PTPRF: variants seen among roughly 807,000 people sequenced by gnomAD.
The protein encoded by PTPRF is protein tyrosine phosphatase receptor type F, also known as receptor-type tyrosine-protein phosphatase F.
A neutral mutation model predicts 201.8 loss-of-function variants in PTPRF; 59 were observed. The ratio of observed to expected loss-of-function variants is 0.29; its 90% CI spans 0.24 to 0.36. The LOEUF is 0.36. PTPRF is among the 10% of genes least tolerant of loss of function. PTPRF has a pLI of 1.00. For synonymous variants in PTPRF, 1,088 were observed against 1,089.7 expected (o/e 1.00, Z 0.03); for missense variants, 2,132 against 2,690.5 (o/e 0.79, Z 4.59).
In PTPRF at chr1:43,553,002, G is replaced by T; in HGVS notation, c.92-490G>T. ...GGGCTGGGAGAGAGGGAGGAGTCTC[G>T]GTTCCTGGCCGGAGCCCCGGGGTGG... On this transcript the variant is annotated intron_variant, in intron 3 of 33. Coordinates refer to ENST00000359947, the MANE Select transcript of PTPRF (RefSeq NM_002840.5). The surrounding 1 kb of genome is among the most constrained non-coding windows in gnomAD (Gnocchi z 4.1). 6.6e-6 allele frequency among the ~76,000 whole-genome samples: 1 copy of T among 152,164 alleles called. No individual in the cohort carries two copies. The highest frequency in any genetic ancestry group is 1.9e-4 in the East Asian group (1 of 5,194).
intron 7 of PTPRF, among the ~76,000 whole-genome samples, chr1:43,585,498 T>G (rs1204122627): frequency 6.6e-6 from 1 of 152,162 alleles, no homozygotes; most frequent in African/African-American, 2.4e-5. Flanking sequence ...CCTGAGGCCC[T>G]TGCTTGGTGT....
intron 11 of PTPRF, among the ~76,000 whole-genome samples, chr1:43,593,338 A>C (rs1247337204): frequency 6.7e-6 from 1 of 150,098 alleles, no homozygotes; most frequent in African/African-American, 2.5e-5. Context: ...CTTGGGCATG[A>C]CCCTTGTCTT....
rs371253686 is a variant in PTPRF at position 43,606,850 on chromosome 1, G to A, written c.3739G>A (p.Val1247Met). 36 of 1,613,990 alleles carry A rather than the reference G, an allele frequency of 2.2e-5. No individual in the cohort carries two copies. Among genetic ancestry groups the A allele is most frequent in the South Asian group, 1.6e-4 (15 of 91,088 alleles). Residue 1247 changes from valine to methionine, a missense_variant, in exon 21 of 34, where the codon GTG becomes ATG. Around this residue, in one of 6 missense-constraint regions of PTPRF, gnomAD observed 818 missense variants for 915.3 expected, o/e 0.89. Transcript: ENST00000359947. ...CTCCAGCCCCTACTCGGATGAGATC[G>A]TGGTCCAGGTGACACCAGCCCAGCA... ...YASSPYSDEI[V>M]VQVTPAQQQE...
Position 43,618,682 on chromosome 1 carries a change from T to C in PTPRF, c.4424T>C (p.Ile1475Thr). The change falls in exon 26 of 34, where the codon ATT becomes ACT. Residue 1475 changes from isoleucine (I) to threonine (T), a missense_variant. This residue lies in a region of PTPRF where 519 missense variants were observed against 659.5 expected (regional missense o/e 0.79). Coordinates refer to ENST00000359947, the MANE Select transcript of PTPRF (RefSeq NM_002840.5). ...CGTGGCACCGAGACCTGTGGCCTTA[T>C]TCAGGTGACCCTGTTGGACACAGTG... ...PARGTETCGL[I>T]QVTLLDTVEL... The C allele has an allele frequency of 6.2e-7, 1 of 1,613,000 alleles. No individual in the cohort carries two copies. The highest frequency in any genetic ancestry group is 8.5e-7 in the Non-Finnish European group (1 of 1,179,066).
At chr1:43,528,464 T>G (rs1479094978), upstream of PTPRF, 1 of 152,266 alleles carries the variant, frequency 6.6e-6, no homozygotes, top group East Asian at 1.9e-4. Flanking sequence ...GTGCTGGGAT[T>G]GTAGGCGTAA....
In PTPRF at chr1:43,603,991, C is replaced by T. The variant is rs372831256; in HGVS notation, c.2839C>T (p.Arg947Cys). 15 of 1,614,090 alleles carry T rather than the reference C, an allele frequency of 9.3e-6. No individual in the cohort carries two copies. Among genetic ancestry groups the T allele is most frequent in the East Asian group, 4.5e-5 (2 of 44,898 alleles). The change falls in exon 16 of 34, where the codon CGC (arginine) becomes TGC (cysteine). Residue 947 changes from arginine (R) to cysteine (C), a missense_variant. Arg to Cys is a radical substitution (Grantham distance 180). This residue lies in a region of PTPRF where 818 missense variants were observed against 915.3 expected (regional missense o/e 0.89). Transcript: ENST00000359947. This position sits in a 1 kb window ranked among gnomAD's most constrained non-coding sequence, Gnocchi z 5.8. ...GCCAGTGCTGGCGGAGAGGAACGGG[C>T]GCATCATCAGCTACACCGTGGTGTT... ...DPPVLAERNGRIISYTVVFRD... is the reference protein window; with the variant it reads ...DPPVLAERNGCIISYTVVFRD...
rs1015076091 is a variant in PTPRF at position 43,542,100 on chromosome 1, T to C, written c.-45-2931T>C. 4.6e-5 allele frequency among the ~76,000 whole-genome samples: 7 copies of C among 152,142 alleles called. No homozygotes were observed. Among genetic ancestry groups the C allele is most frequent in the Admixed American group, 4.6e-4 (7 of 15,270 alleles). ...CTCCCCACAGGTGACCCTGGGACCC[T>C]GGGACTCTGGGGGCCAAGGTCTACT... is the stretch of plus-strand genomic sequence containing the variant. On this transcript the variant is annotated intron_variant, in intron 2 of 33. Transcript: ENST00000359947. This position sits in a 1 kb window ranked among gnomAD's most constrained non-coding sequence, Gnocchi z 5.2.
chr1:43,567,114 G>A (rs1646240154), intron 5 of PTPRF, among the ~76,000 whole-genome samples: 1 of 152,234 alleles, frequency 6.6e-6, no homozygotes, highest in South Asian at 2.1e-4. Context: ...CCATGGCCAC[G>A]TCTTCCCCAT....
At position 43,617,449 on chromosome 1, in the gene PTPRF, T is replaced by C; in HGVS notation, c.4076T>C (p.Ile1359Thr). 6.2e-7 allele frequency: 1 copy of C among 1,614,088 alleles called. No homozygotes were observed. Among genetic ancestry groups the C allele is most frequent in the Non-Finnish European group, 8.5e-7 (1 of 1,180,004 alleles). ...GLKFSQEYES[I>T]DPGQQFTWEN... ...CGCTTTCTCCATTCTCTGCAGTCCA[T>C]CGACCCTGGACAGCAGTTCACGTGG... is the stretch of plus-strand genomic sequence containing the variant. Residue 1359 changes from isoleucine to threonine, a missense_variant, in exon 24 of 34, where the codon ATC becomes ACC. This residue lies in a region of PTPRF where 818 missense variants were observed against 915.3 expected (regional missense o/e 0.89). Coordinates refer to ENST00000359947, the MANE Select transcript of PTPRF (RefSeq NM_002840.5).
upstream of PTPRF, among the ~76,000 whole-genome samples, chr1:43,527,713 G>T (rs769313201): frequency 1.3e-5 from 2 of 152,200 alleles, no homozygotes; most frequent in African/African-American, 2.4e-5. Flanking sequence ...GTGCTCAGTA[G>T]CCTTGACAAT....
At chr1:43,582,283 AGT>A (rs1647885104) in intron 7 of PTPRF, among the ~76,000 whole-genome samples, 1 of 152,242 alleles carries the variant, frequency 6.6e-6, no homozygotes, top group Non-Finnish European at 1.5e-5. Context: ...CTCGGCTACT[AGT>A]CAGTAGCCTC....
chr1:43,615,896 T>G (rs1239620694), intron 23 of PTPRF, among the ~76,000 whole-genome samples: 1 of 152,176 alleles, frequency 6.6e-6, no homozygotes, highest in East Asian at 1.9e-4. Flanking sequence ...CAGTCAGTCA[T>G]TGATCACACA....
At chr1:43,536,407 C>G (rs544681962) in intron 1 of PTPRF, among the ~76,000 whole-genome samples, 1 of 152,294 alleles carries the variant, frequency 6.6e-6, no homozygotes, top group South Asian at 2.1e-4. Context: ...TAAAATGGCC[C>G]CTGGCCACTT....
intron 22 of PTPRF, chr1:43,612,703 T>C: frequency 2.3e-6 from 3 of 1,303,282 alleles, no homozygotes; most frequent in African/African-American, 3.0e-5. Flanking sequence ...GCAGAAAAAG[T>C]TAACGGGCTT....
At chr1:43,620,047 C>T in intron 29 of PTPRF, 48 bp from the exon 30 acceptor site, 2 of 1,611,200 alleles carry the variant, frequency 1.2e-6, no homozygotes, top group Non-Finnish European at 8.5e-7. Flanking sequence ...AGGGGAGACT[C>T]TAGGGGCAGC....
rs1352078594 is a variant in PTPRF at position 43,598,783 on chromosome 1, A to C, written c.2183A>C (p.Tyr728Ser). The C allele has an allele frequency of 6.2e-7, 1 of 1,614,136 alleles. No individual in the cohort carries two copies. The change falls in exon 13 of 34, where the codon TAC becomes TCC. Residue 728 changes from tyrosine to serine, a missense_variant. Physicochemically the swap from Tyr to Ser is moderately radical, Grantham distance 144. This residue lies in a region of PTPRF where 125 missense variants were observed against 211.9 expected (regional missense o/e 0.59). Transcript: ENST00000359947. ...EPLNSTAVHV[Y>S]WKLPVPSKQH... ...CTGAACTCCACTGCTGTGCATGTCT[A>C]CTGGAAGCTGCCTGTCCCCAGCAAG...
At chr1:43,538,318 AG>A in intron 2 of PTPRF, 41 bp downstream of exon 2, 1 of 398,908 alleles carries the variant, frequency 2.5e-6, no homozygotes, top group Non-Finnish European at 4.4e-6. Context: ...AGGGGTGCAC[AG>A]GGGTCCTATG....
At chr1:43,528,853 G>A (rs1472720545), upstream of PTPRF, 1 of 152,306 alleles carries the variant, frequency 6.6e-6, no homozygotes, top group African/African-American at 2.4e-5. Context: ...AGACTTGGAA[G>A]TCATCAGCAT....
At chr1:43,599,908 T>G (rs774318440) in intron 13 of PTPRF, among the ~76,000 whole-genome samples, 1 of 152,160 alleles carries the variant, frequency 6.6e-6, no homozygotes, top group Non-Finnish European at 1.5e-5. Context: ...AAGGTCTCCC[T>G]ATCCAGGAGC....
Sources: allele counts gnomAD v4.1 joint callset (sites outside exome capture counted in the v4.1 genomes callset), GRCh38; gene constraint gnomAD v4.1.1; regional missense constraint gnomAD v4.1.1; non-coding constraint Gnocchi (gnomAD v3.1); transcripts MANE v1.5; gene names NCBI Gene and HGNC (gene_info 2026-07-23, HGNC 2026-07-21).